GNB1: variants seen among roughly 807,000 people sequenced by gnomAD.
GNB1 encodes the protein guanine nucleotide-binding protein G(I)/G(S)/G(T) subunit beta-1.
In GNB1, 2 loss-of-function variants were observed where a neutral mutation model predicts 42.9. The ratio of observed to expected loss-of-function variants is 0.05; its 90% CI spans 0.02 to 0.15. The LOEUF (loss-of-function observed/expected upper bound fraction) is 0.15. Ranked by LOEUF, GNB1 falls within the 10% of genes least tolerant of loss-of-function variation. GNB1 has a pLI of 1.00. For synonymous variants in GNB1, 183 were observed against 174.7 expected, an observed-to-expected ratio of 1.05 and a Z score of -0.38; for missense variants, 193 against 462.2, an observed-to-expected ratio of 0.42 and a Z score of 5.34.
rs537432215 is a variant in GNB1 at position 1,790,663 on chromosome 1, A to G, written c.498-67T>C. On this transcript the variant is annotated intron_variant, in intron 8 of 11. Transcript: ENST00000378609. This position sits in a 1 kb window ranked among gnomAD's most constrained non-coding sequence, Gnocchi z 5.4. ...TCTTGGGTGGCTAGTCATGTGACAGACAATCTGTCCTTCAAACCACCCAGG... is the reference window on the plus strand; with the variant it reads ...TCTTGGGTGGCTAGTCATGTGACAGGCAATCTGTCCTTCAAACCACCCAGG... 208 of 1,115,992 alleles carry G rather than the reference A, an allele frequency of 1.9e-4. No homozygotes were observed. In the Middle Eastern group the frequency reaches 3.3e-3, roughly 18 times the overall value. 69.1% of individuals were successfully genotyped at this position (1,115,992 alleles called of 1,614,324 possible). A position where few individuals can be genotyped will look rare whatever the true frequency, so the allele number is the denominator to read the frequency against.
Position 1,785,852 on chromosome 1 carries a change from C to A in GNB1, c.*1211G>T. On this transcript the variant is annotated 3_prime_UTR_variant, in exon 12 of 12. Transcript: ENST00000378609. ...GAAAACAGTGACTTATCCCGCTACC[C>A]AAGCGTGTAGAGCCGCGCGCTGTAC... is the stretch of plus-strand genomic sequence containing the variant. 1 of 395,576 alleles carries A rather than the reference C, an allele frequency of 2.5e-6. No homozygotes were observed. The highest frequency in any genetic ancestry group is 1.4e-4 in the South Asian group (1 of 7,364). 24.5% of individuals were successfully genotyped at this position (395,576 alleles called of 1,614,324 possible). A position where few individuals can be genotyped will look rare whatever the true frequency, so the allele number is the denominator to read the frequency against.
intron 1 of GNB1, among the ~76,000 whole-genome samples, chr1:1,859,630 T>C (rs1302570363): frequency 7.5e-6 from 1 of 133,176 alleles, no homozygotes; most frequent in Non-Finnish European, 1.5e-5. Flanking sequence ...GGAAAGAAAA[T>C]GTAAAGAAAG....
At chr1:1,856,509 C>T (rs1648306462) in intron 1 of GNB1, among the ~76,000 whole-genome samples, 1 of 152,154 alleles carries the variant, frequency 6.6e-6, no homozygotes, top group South Asian at 2.1e-4. Context: ...CTCACTGCAA[C>T]CTCCACCTCC....
At chr1:1,795,611 G>T (rs1308242482) in intron 7 of GNB1, among the ~76,000 whole-genome samples, 1 of 152,084 alleles carries the variant, frequency 6.6e-6, no homozygotes, top group African/African-American at 2.4e-5. Context: ...AGCCAGCTGT[G>T]GTGGTGGGTG....
chr1:1,789,299 T>C (rs752616564), intron 9 of GNB1, 30 bp from the exon 10 acceptor site: 6 of 1,253,020 alleles, frequency 4.8e-6, no homozygotes, highest in African/African-American at 1.5e-5. Context: ...CAAGACATCA[T>C]GTAAACGCTC....
intron 1 of GNB1, among the ~76,000 whole-genome samples, chr1:1,859,696 G>A (rs181335366): frequency 1.6e-3 from 245 of 150,908 alleles, no homozygotes; most frequent in African/African-American, 5.8e-3. Flanking sequence ...AAGTGGGGTG[G>A]GGGAGAGGGG....
intron 5 of GNB1, among the ~76,000 whole-genome samples, chr1:1,808,411 CA>C (rs1202516419): frequency 6.6e-6 from 1 of 152,094 alleles, no homozygotes; most frequent in Admixed American, 6.6e-5. Context: ...GAATAAGGAG[CA>C]AAAGAATTTC....
At chr1:1,870,577 G>A (rs1305311912) in intron 1 of GNB1, among the ~76,000 whole-genome samples, 2 of 152,184 alleles carry the variant, frequency 1.3e-5, no homozygotes, top group Non-Finnish European at 2.9e-5. Context: ...GAGCTCAGCA[G>A]ACACTTCCTT....
chr1:1,811,832 G>A (rs377134755), intron 5 of GNB1, among the ~76,000 whole-genome samples: 9 of 152,018 alleles, frequency 5.9e-5, no homozygotes, highest in East Asian at 5.8e-4. Flanking sequence ...TTGGGAGGCC[G>A]AGGTGGGCAG....
chr1:1,879,565 C>T (rs536013932), intron 1 of GNB1, among the ~76,000 whole-genome samples: 51 of 151,998 alleles, frequency 3.4e-4, no homozygotes, highest in African/African-American at 1.2e-3. Context: ...ATTAGCCAGG[C>T]GTGGTGGCAG....
chr1:1,884,849 A>AT (rs1203178196), intron 1 of GNB1, among the ~76,000 whole-genome samples: 1 of 151,214 alleles, frequency 6.6e-6, no homozygotes. Flanking sequence ...CGCCCGGCTA[A>AT]TTTTTTTGTA....
chr1:1,857,293 G>A (rs975228987), intron 1 of GNB1, among the ~76,000 whole-genome samples: 5 of 150,340 alleles, frequency 3.3e-5, no homozygotes, highest in South Asian at 2.1e-4. Context: ...ACCCAGTCTC[G>A]GATGGCTCTT....
chr1:1,888,126 G>A (rs1650256392), intron 1 of GNB1, among the ~76,000 whole-genome samples: 1 of 152,186 alleles, frequency 6.6e-6, no homozygotes, highest in Non-Finnish European at 1.5e-5. Context: ...GATAACTATG[G>A]TTCTGTCATA....
chr1:1,825,228 G>A lies in GNB1; in HGVS notation c.57+169C>T, dbSNP rs373753403. 2.0e-4 allele frequency: 123 copies of A among 626,776 alleles called. 1 individual carries two copies. In the East Asian group the frequency reaches 2.3e-3, roughly 12 times the overall value. The allele number at this position is 626,776 out of a possible 1,614,324, so 38.8% of individuals were successfully genotyped here. The stretch of plus-strand genomic sequence containing the variant: ...CAGAAAGCAAAATCCCAAAAACAAT[G>A]TACTAGGCTAAGTATCTAGATCTAT... On this transcript the variant is annotated intron_variant, in intron 3 of 11. Coordinates refer to ENST00000378609, the MANE Select transcript of GNB1 (RefSeq NM_002074.5).
Position 1,806,493 on chromosome 1 carries a change from G to A in GNB1, c.249C>T (p.Asp83=), listed in dbSNP as rs1016919382. Residue 83 remains aspartate (D), a synonymous_variant, in exon 6 of 12, where the codon GAC becomes GAT. Transcript: ENST00000378609. ...TCCCTACCTTGTTGGTGGTGTAGCT[G>A]TCCCAGATGATAAGTTTACCATCCT... ...ASQDGKLIIW[D]SYTTNKVHAI... 1.2e-5 allele frequency: 20 copies of A among 1,608,652 alleles called. No individual in the cohort carries two copies. The highest frequency in any genetic ancestry group is 1.7e-4 in the Middle Eastern group (1 of 6,058).
intron 1 of GNB1, among the ~76,000 whole-genome samples, chr1:1,847,703 G>A (rs192792489): frequency 5.3e-4 from 80 of 152,196 alleles, no homozygotes; most frequent in Middle Eastern, 3.4e-3. Context: ...AGAGGACGAC[G>A]TCCAGATGCT....
intron 7 of GNB1, among the ~76,000 whole-genome samples, chr1:1,803,470 A>AG (rs1420895240): frequency 2.0e-5 from 3 of 152,138 alleles, no homozygotes; most frequent in Non-Finnish European, 4.4e-5. Context: ...TTTGTAGAGA[A>AG]GGGGTCTAGC....
intron 3 of GNB1, among the ~76,000 whole-genome samples, chr1:1,821,603 T>C (rs967333337): frequency 2.0e-5 from 3 of 152,172 alleles, no homozygotes; most frequent in Non-Finnish European, 4.4e-5. Context: ...CTTCAACAGC[T>C]TTTGCTGTCC....
Position 1,787,268 on chromosome 1 carries a change from A to G in GNB1, c.*9+54T>C, listed in dbSNP as rs1461908406. The G allele has an allele frequency of 2.3e-6, 2 of 874,044 alleles. No individual in the cohort carries two copies. Among genetic ancestry groups the G allele is most frequent in the Admixed American group, 2.0e-5 (1 of 48,892 alleles). The allele number at this position is 874,044 out of a possible 1,614,324, so 54.1% of individuals were successfully genotyped here. A position where few individuals can be genotyped will look rare whatever the true frequency, so the allele number is the denominator to read the frequency against. ...CGTTAATGACAACTTCAAATGTTCT[A>G]TGAGAAACACGCACAGTTCTCCTCA... On this transcript the variant is annotated intron_variant, in intron 11 of 11. Transcript: ENST00000378609. This position sits in a 1 kb window ranked among gnomAD's most constrained non-coding sequence, Gnocchi z 4.4.
Sources: gnomAD v4.1 joint callset for allele counts (sites outside exome capture counted in the v4.1 genomes callset) on GRCh38, gnomAD v4.1.1 for gene constraint, Gnocchi (gnomAD v3.1) non-coding constraint, MANE v1.5 for transcripts, NCBI Gene and HGNC (gene_info 2026-07-23, HGNC 2026-07-21) for gene names.